CD38: variants seen among roughly 807,000 people sequenced by gnomAD.
CD38 encodes the protein CD38 molecule.
A neutral mutation model predicts 36.3 loss-of-function variants in CD38; 31 were observed. The ratio of observed to expected loss-of-function variants is 0.85; its 90% CI spans 0.64 to 1.15. The LOEUF is 1.15. Ranked by LOEUF, CD38 falls within the 50% of genes most tolerant of loss-of-function variation. The pLI, the probability that CD38 is intolerant of heterozygous loss-of-function variation, is 0.00. For missense variants in CD38, 380 were observed against 371.9 expected (o/e 1.02, Z -0.18); for synonymous variants, 131 against 135.2 (o/e 0.97, Z 0.22).
Position 15,834,241 on chromosome 4 carries a change from A to C in CD38, c.524A>C (p.Asp175Ala). ...TSKINYQSCP[D>A]WRKDCSNNPV... ...GAAATAAACTATCAATCTTGCCCAG[A>C]CTGGAGAAAGGACTGCAGCAACAAC... Residue 175 changes from aspartate (D) to alanine (A), a missense_variant, in exon 4 of 8, where the codon GAC (aspartate) becomes GCC (alanine). Asp to Ala is a moderately radical substitution (Grantham distance 126). Transcript: ENST00000226279. 1 of 1,611,676 alleles carries C rather than the reference A, an allele frequency of 6.2e-7. No homozygotes were observed. The highest frequency in any genetic ancestry group is 8.5e-7 in the Non-Finnish European group (1 of 1,177,756).
chr4:15,824,739 A>T (rs67396676), intron 2 of CD38, 142 bp from the exon 3 acceptor site: 77,812 of 685,206 alleles, frequency 0.11, 6,587 homozygotes, highest in African/African-American at 0.36. Flanking sequence ...GAAATCATTG[A>T]TGCTTACAAC....
At chr4:15,798,895 T>G (rs535979130) in intron 1 of CD38, among the ~76,000 whole-genome samples, 1 of 152,364 alleles carries the variant, frequency 6.6e-6, no homozygotes, top group Non-Finnish European at 1.5e-5. Flanking sequence ...TGTTCTTATG[T>G]TGAATTGTCT....
At chr4:15,840,270 A>C in intron 6 of CD38, 152 bp downstream of exon 6, 2 of 729,416 alleles carry the variant, frequency 2.7e-6, no homozygotes, top group South Asian at 1.7e-5. Flanking sequence ...CTTTATCTCC[A>C]CAAAGGATAT....
chr4:15,815,245 T>C (rs552510476), intron 1 of CD38, among the ~76,000 whole-genome samples: 3 of 152,390 alleles, frequency 2.0e-5, no homozygotes, highest in South Asian at 2.1e-4. Context: ...GTCTTGGCTA[T>C]ACGGGCTCTT....
chr4:15,800,717 T>TA (rs1290483270), intron 1 of CD38, among the ~76,000 whole-genome samples: 12 of 152,078 alleles, frequency 7.9e-5, no homozygotes, highest in African/African-American at 2.9e-4. Context: ...TAAAAAAACT[T>TA]ACTGAAAATG....
At chr4:15,791,625 T>G (rs1473875649) in intron 1 of CD38, among the ~76,000 whole-genome samples, 10 of 55,974 alleles carry the variant, frequency 1.8e-4, no homozygotes, top group Non-Finnish European at 2.5e-4. Context: ...GGGAGGGAGG[T>G]GGGGGGGTCA....
chr4:15,847,645 G>C (rs6823847), intron 7 of CD38, among the ~76,000 whole-genome samples: 48,709 of 120,624 alleles, frequency 0.4, 10,671 homozygotes, highest in African/African-American at 0.63. Flanking sequence ...GATATCTGAC[G>C]AGTCTAAGCT....
At chr4:15,813,273 C>A (rs1009715735) in intron 1 of CD38, among the ~76,000 whole-genome samples, 5 of 151,744 alleles carry the variant, frequency 3.3e-5, no homozygotes, top group Admixed American at 2.6e-4. Flanking sequence ...TGAATTTTAT[C>A]AGGTTGAGGA....
At chr4:15,816,755 G>T in intron 2 of CD38, 115 bp downstream of exon 2, 1 of 1,119,912 alleles carries the variant, frequency 8.9e-7, no homozygotes, top group Non-Finnish European at 1.4e-6. Flanking sequence ...ACATTATAGT[G>T]TGAGTGTGGT....
chr4:15,839,636 G>A (rs943657834), intron 5 of CD38, among the ~76,000 whole-genome samples: 4 of 151,764 alleles, frequency 2.6e-5, no homozygotes, highest in Admixed American at 2.6e-4. Context: ...TGTTAGCCAG[G>A]ATGGTCTCGA....
chr4:15,790,634 C>T (rs1722952594), intron 1 of CD38, among the ~76,000 whole-genome samples: 1 of 152,040 alleles, frequency 6.6e-6, no homozygotes, highest in African/African-American at 2.4e-5. Flanking sequence ...TGCCTGGCCC[C>T]CCATCGTCTG....
chr4:15,786,662 CT>C (rs1489162752), intron 1 of CD38, among the ~76,000 whole-genome samples: 1 of 152,264 alleles, frequency 6.6e-6, no homozygotes, highest in Non-Finnish European at 1.5e-5. Flanking sequence ...AGAAGCCCAG[CT>C]GGCTTCACCT....
intron 1 of CD38, among the ~76,000 whole-genome samples, chr4:15,792,847 T>A (rs1723034005): frequency 6.6e-6 from 1 of 152,238 alleles, no homozygotes; most frequent in East Asian, 1.9e-4. Context: ...CATGATTTTC[T>A]TTAAAATGTA....
At chr4:15,795,514 A>C (rs1171439170) in intron 1 of CD38, among the ~76,000 whole-genome samples, 1 of 152,138 alleles carries the variant, frequency 6.6e-6, no homozygotes, top group East Asian at 1.9e-4. Context: ...TGCCCATTGA[A>C]GAATATTTGG....
intron 1 of CD38, among the ~76,000 whole-genome samples, chr4:15,786,613 T>C (rs1394600965): frequency 6.6e-6 from 1 of 152,214 alleles, no homozygotes; most frequent in Non-Finnish European, 1.5e-5. Flanking sequence ...TACAATCCCT[T>C]AGCTAGACAT....
At position 15,838,374 on chromosome 4, in the gene CD38, G is replaced by A. The variant is rs545667824; in HGVS notation, c.659+209G>A. 1.4e-3 allele frequency among the ~76,000 whole-genome samples: 210 copies of A among 152,280 alleles called. 1 individual carries two copies. Among genetic ancestry groups the A allele is most frequent in the Non-Finnish European group, 2.6e-3 (175 of 68,034 alleles). On this transcript the variant is annotated intron_variant, in intron 5 of 7. Coordinates refer to ENST00000226279, the MANE Select transcript of CD38 (RefSeq NM_001775.4). ...CTCCTTTGCCAAAAATTGTCTACCA[G>A]GTTCTAATGGCCACTGCACTGTATC...
intron 1 of CD38, among the ~76,000 whole-genome samples, chr4:15,798,684 C>G (rs968420108): frequency 4.4e-4 from 67 of 152,200 alleles, no homozygotes; most frequent in African/African-American, 1.5e-3. Context: ...TGTTGTATCA[C>G]TTTATTTTCA....
At chr4:15,838,207 C>T (rs763124131) in intron 5 of CD38, 42 bp downstream of exon 5, 2 of 1,334,734 alleles carry the variant, frequency 1.5e-6, no homozygotes, top group Middle Eastern at 1.8e-4. Flanking sequence ...TATCCTGTTG[C>T]AAATATCACA....
intron 2 of CD38, among the ~76,000 whole-genome samples, chr4:15,817,057 A>C (rs1436445109): frequency 1.3e-5 from 2 of 152,208 alleles, no homozygotes; most frequent in Non-Finnish European, 2.9e-5. Flanking sequence ...TCTTGCTTAC[A>C]AAAGACTCTC....
Sources: gnomAD v4.1 joint callset for allele counts (sites outside exome capture counted in the v4.1 genomes callset) on GRCh38, gnomAD v4.1.1 for gene constraint, MANE v1.5 for transcripts, NCBI Gene and HGNC (gene_info 2026-07-23, HGNC 2026-07-21) for gene names.